Variants in CASP10 observed in about 807,000 individuals in gnomAD.
CASP10 encodes the protein caspase 10, also known as caspase-10.
In CASP10, 41 loss-of-function variants were observed where a neutral mutation model predicts 48.5. The ratio of observed to expected loss-of-function variants is 0.85; its 90% CI spans 0.66 to 1.10. CASP10 has a LOEUF of 1.10. CASP10 is among the 50% of genes least tolerant of loss of function. The pLI, the probability that CASP10 is intolerant of heterozygous loss-of-function variation, is 0.00. For synonymous variants in CASP10, 232 were observed against 238.4 expected, an observed-to-expected ratio of 0.97 and a Z score of 0.25; for missense variants, 614 against 614.5, an observed-to-expected ratio of 1.00 and a Z score of 0.01.
chr2:201,186,679 G>T (rs1242734555), intron 2 of CASP10, among the ~76,000 whole-genome samples: 1 of 152,092 alleles, frequency 6.6e-6, no homozygotes, highest in African/African-American at 2.4e-5. Flanking sequence ...GTCTTATCAT[G>T]GATGACAGCG....
At position 201,192,978 on chromosome 2, in the gene CASP10, T is replaced by C. The variant is rs1386096900; in HGVS notation, c.442-6T>C. 2 of 1,612,984 alleles carry C rather than the reference T, an allele frequency of 1.2e-6. No homozygotes were observed. The highest frequency in any genetic ancestry group is 1.7e-6 in the Non-Finnish European group (2 of 1,179,210). On this transcript the variant is annotated splice_polypyrimidine_tract_variant and splice_region_variant and intron_variant, in intron 3 of 9. Coordinates refer to ENST00000286186, the MANE Select transcript of CASP10 (RefSeq NM_032977.4). Reference sequence around the variant, plus strand: ...AGTAAATGTAACTCTATTGATTCTCTTGTAGACCTCCCTAAGTTTCCTGGC... The same window carrying C: ...AGTAAATGTAACTCTATTGATTCTCCTGTAGACCTCCCTAAGTTTCCTGGC...
chr2:201,187,870 G>C (rs1944470105), intron 3 of CASP10, 71 bp downstream of exon 3: 3 of 1,131,374 alleles, frequency 2.7e-6, no homozygotes, highest in East Asian at 2.3e-5. Flanking sequence ...TGCTGGAAAG[G>C]GTTTTTAGGG....
chr2:201,212,454 A>G (rs965526289), intron 9 of CASP10: 1 of 152,174 alleles, frequency 6.6e-6, no homozygotes, highest in Non-Finnish European at 1.5e-5. Context: ...AAACCAATTA[A>G]TGGAAGAAGG....
intron 5 of CASP10, chr2:201,200,302 C>T (rs1416068125): frequency 3.2e-5 from 22 of 689,598 alleles, no homozygotes; most frequent in African/African-American, 8.9e-5. Flanking sequence ...CTAGATTGAG[C>T]GTCTGCTGAT....
intron 9 of CASP10, chr2:201,214,490 G>A (rs1945506215): frequency 6.6e-6 from 1 of 152,106 alleles, no homozygotes; most frequent in Non-Finnish European, 1.5e-5. Flanking sequence ...GCGGATCAGA[G>A]GAGAAAGTTA....
rs41533144 is a variant in CASP10 at position 201,204,030 on chromosome 2, TC to T, written c.721+266del. ...AGGGACTGCAGGCGGCTGTTCTTCCTCCACCCTTCAGAATTAGGCCACCCTC... is the reference window on the plus strand; with the variant it reads ...AGGGACTGCAGGCGGCTGTTCTTCCTCACCCTTCAGAATTAGGCCACCCTC... On this transcript the variant is annotated intron_variant, in intron 6 of 9. Coordinates refer to ENST00000286186, the MANE Select transcript of CASP10 (RefSeq NM_032977.4). Among the ~76,000 whole-genome samples the T allele has an allele frequency of 4.9e-3, 750 of 152,286 alleles. 9 individuals carry two copies. The highest frequency in any genetic ancestry group is 0.017 in the African/African-American group (704 of 41,560).
At chr2:201,198,003 T>C (rs1944864698) in intron 5 of CASP10, among the ~76,000 whole-genome samples, 2 of 152,188 alleles carry the variant, frequency 1.3e-5, no homozygotes, top group South Asian at 4.1e-4. Context: ...CAACACTTCC[T>C]CACCAAGACG....
At chr2:201,197,484 G>A (rs1237065613) in intron 5 of CASP10, among the ~76,000 whole-genome samples, 1 of 152,160 alleles carries the variant, frequency 6.6e-6, no homozygotes, top group Non-Finnish European at 1.5e-5. Flanking sequence ...GCGTGGTGGT[G>A]CATGCCTATA....
At chr2:201,202,577 T>C (rs1327416934) in intron 5 of CASP10, among the ~76,000 whole-genome samples, 2 of 152,248 alleles carry the variant, frequency 1.3e-5, no homozygotes, top group African/African-American at 4.8e-5. Context: ...GAAGGCAGTC[T>C]GGCCAGGCCC....
chr2:201,191,357 C>G (rs1178105523), intron 3 of CASP10, among the ~76,000 whole-genome samples: 1 of 152,142 alleles, frequency 6.6e-6, no homozygotes, highest in Non-Finnish European at 1.5e-5. Flanking sequence ...AACCATATTT[C>G]CTCTTTGGAT....
At chr2:201,186,937 C>T (rs919476271) in intron 2 of CASP10, among the ~76,000 whole-genome samples, 1 of 152,174 alleles carries the variant, frequency 6.6e-6, no homozygotes, top group Non-Finnish European at 1.5e-5. Flanking sequence ...ATCCACGCAC[C>T]TCGGCCTCCC....
At chr2:201,213,525 A>G (rs1313183077) in intron 9 of CASP10, 1 of 152,202 alleles carries the variant, frequency 6.6e-6, no homozygotes, top group Non-Finnish European at 1.5e-5. Flanking sequence ...CGTTGTTACA[A>G]GGAGTTCTCC....
chr2:201,188,840 T>A (rs1944504592), intron 3 of CASP10, among the ~76,000 whole-genome samples: 1 of 152,072 alleles, frequency 6.6e-6, no homozygotes, highest in Non-Finnish European at 1.5e-5. Context: ...ATATATTGAA[T>A]TTTGAGGGGT....
In CASP10 at chr2:201,203,659, G is replaced by A. The variant is rs892630161; in HGVS notation, c.685-71G>A. The A allele has an allele frequency of 1.3e-5, 17 of 1,305,926 alleles. No individual in the cohort carries two copies. In the Admixed American group the frequency reaches 2.0e-4, roughly 15 times the overall value. 80.9% of individuals were successfully genotyped at this position (1,305,926 alleles called of 1,614,324 possible). ...AGATATCTGTCCTTCCCTGCATCAA[G>A]TCTAGTTTTTGTTCCTCATCCTAAC... On this transcript the variant is annotated intron_variant, in intron 5 of 9. Coordinates refer to ENST00000286186, the MANE Select transcript of CASP10 (RefSeq NM_032977.4).
Position 201,219,645 on chromosome 2 carries a change from T to C in CASP10, c.*1904T>C. 3 of 985,206 alleles carry C rather than the reference T, an allele frequency of 3.0e-6. No homozygotes were observed. Among genetic ancestry groups the C allele is most frequent in the Non-Finnish European group, 3.6e-6 (3 of 829,914 alleles). 61.0% of individuals were successfully genotyped at this position (985,206 alleles called of 1,614,324 possible). ...GTCTGGCTTGCCTGAAGGGAGTGGC[T>C]CTGTAAGGACGCCTTGATGCTTTCT... is the stretch of plus-strand genomic sequence containing the variant. On this transcript the variant is annotated 3_prime_UTR_variant, in exon 10 of 10. Coordinates refer to ENST00000286186, the MANE Select transcript of CASP10 (RefSeq NM_032977.4).
chr2:201,202,891 G>A (rs1166708051), intron 5 of CASP10, among the ~76,000 whole-genome samples: 1 of 152,082 alleles, frequency 6.6e-6, no homozygotes, highest in Non-Finnish European at 1.5e-5. Context: ...ATTAATGTAT[G>A]CCCAAGGTAG....
chr2:201,199,132 A>C (rs1413400295), intron 5 of CASP10, among the ~76,000 whole-genome samples: 3 of 152,210 alleles, frequency 2.0e-5, no homozygotes, highest in South Asian at 2.1e-4. Context: ...AGTAAGTTGC[A>C]TACATCATGG....
At chr2:201,187,042 C>A (rs903068578) in intron 2 of CASP10, among the ~76,000 whole-genome samples, 1 of 152,108 alleles carries the variant, frequency 6.6e-6, no homozygotes, top group Admixed American at 6.6e-5. Flanking sequence ...GAGAACCTCA[C>A]GAAGAGGAGC....
chr2:201,192,146 G>A (rs1944632764), intron 3 of CASP10, among the ~76,000 whole-genome samples: 1 of 152,148 alleles, frequency 6.6e-6, no homozygotes. Context: ...TGTAATCCCA[G>A]CACTTTGGGA....
Sources: gnomAD v4.1 joint callset for allele counts (sites outside exome capture counted in the v4.1 genomes callset) on GRCh38, gnomAD v4.1.1 for gene constraint, MANE v1.5 for transcripts, NCBI Gene and HGNC (gene_info 2026-07-23, HGNC 2026-07-21) for gene names.